The following UBA52 variants were observed in gnomAD, a reference collection of about 807,000 sequenced individuals.
The protein encoded by UBA52 is ubiquitin-ribosomal protein eL40 fusion protein.
Under a neutral mutation model 15.3 loss-of-function variants are expected in UBA52, and 1 was observed. The observed-to-expected ratio is 0.07, with a 90% CI of 0.02 to 0.31. UBA52 has a LOEUF of 0.31. Among genes scored for constraint, UBA52 ranks in the 10% least tolerant of loss-of-function variants. The pLI is 1.00. For synonymous variants in UBA52, 50 were observed against 58.3 expected (o/e 0.86, Z 0.65); for missense variants, 87 against 168.0 (o/e 0.52, Z 2.66).
At chr19:18,570,207 T>TG (rs1192116535), upstream of UBA52, among the ~76,000 whole-genome samples, 5 of 151,514 alleles carry the variant, frequency 3.3e-5, no homozygotes, top group South Asian at 2.1e-4. Context: ...ACTTTTTTTT[T>TG]TTGTTTTGTT....
chr19:18,565,052 G>T, the UBA52 span: 1 of 1,593,610 alleles, frequency 6.3e-7, no homozygotes. Context: ...CAGCCCAGCT[G>T]ACCTCTGCCT....
the UBA52 span, among the ~76,000 whole-genome samples, chr19:18,563,883 A>G: frequency 6.7e-6 from 1 of 148,884 alleles, no homozygotes; most frequent in Non-Finnish European, 1.5e-5. Flanking sequence ...CAACCTCCTA[A>G]AGTGCTGGTC....
chr19:18,574,103 G>A (rs1975651367), intron 3 of UBA52, among the ~76,000 whole-genome samples: 1 of 151,892 alleles, frequency 6.6e-6, no homozygotes, highest in African/African-American at 2.4e-5. Context: ...GACCAACATG[G>A]TGAAATCCCA....
upstream of UBA52, among the ~76,000 whole-genome samples, chr19:18,567,545 T>C (rs540059714): frequency 6.6e-6 from 1 of 152,344 alleles, no homozygotes; most frequent in East Asian, 1.9e-4. Context: ...ATCTGTCCCA[T>C]GTCCAGCTGT....
In UBA52 at chr19:18,576,975, A is replaced by ATCT. The variant is rs1555755069; in HGVS notation, c.*1826_*1827insCTT. On this transcript the variant is annotated 3_prime_UTR_variant, in exon 5 of 5. Transcript: ENST00000442744. The stretch of plus-strand genomic sequence containing the variant: ...AAGCCACAGCGCCTGGCCTTGCTAC[A>ATCT]TTTTTTTTTTTTTTTTTTTTTTTAC... 2.7e-5 allele frequency: 3 copies of ATCT among 113,042 alleles called. No homozygotes were observed. In the East Asian group the frequency reaches 7.8e-4, roughly 29 times the overall value. The allele number at this position is 113,042 out of a possible 1,614,324, so 7.0% of individuals were successfully genotyped here. A position where few individuals can be genotyped will look rare whatever the true frequency, so the allele number is the denominator to read the frequency against.
upstream of UBA52, among the ~76,000 whole-genome samples, chr19:18,568,057 C>T (rs1975340777): frequency 6.6e-6 from 1 of 152,090 alleles, no homozygotes; most frequent in African/African-American, 2.4e-5. Flanking sequence ...CACCTGAGGT[C>T]GGGAGTTCGA....
chr19:18,571,117 C>G (rs1002893846), upstream of UBA52, among the ~76,000 whole-genome samples: 2 of 151,132 alleles, frequency 1.3e-5, no homozygotes, highest in Non-Finnish European at 3.0e-5. Flanking sequence ...TTGAGACCAG[C>G]CTGACCAACA....
upstream of UBA52, among the ~76,000 whole-genome samples, chr19:18,566,954 G>A (rs1006448072): frequency 6.6e-6 from 1 of 152,200 alleles, no homozygotes; most frequent in African/African-American, 2.4e-5. Context: ...CGACTGTCAG[G>A]GCCGTGGCTG....
At chr19:18,568,771 CT>C, upstream of UBA52, 1 of 643,952 alleles carries the variant, frequency 1.6e-6, no homozygotes, top group Non-Finnish European at 2.7e-6. Flanking sequence ...ACAAGGCTCT[CT>C]CCCGAGGGGT....
chr19:18,571,056 A>G (rs2145274047), upstream of UBA52, among the ~76,000 whole-genome samples: 1 of 150,232 alleles, frequency 6.7e-6, no homozygotes, highest in South Asian at 2.2e-4. Flanking sequence ...CACGTCTGTA[A>G]TCCCAGCACT....
intron 1 of UBA52, chr19:18,572,947 G>A: frequency 8.9e-7 from 1 of 1,128,832 alleles, no homozygotes; most frequent in Non-Finnish European, 1.1e-6. Flanking sequence ...GATCTAGCAA[G>A]ATGATGCCAA....
At position 18,574,445 on chromosome 19, in the gene UBA52, C is replaced by G. The variant is rs183536134; in HGVS notation, c.191-425C>G. On this transcript the variant is annotated intron_variant, in intron 3 of 4. Transcript: ENST00000442744. ...CTGGGATTACAGGCACCCGCCACCA[C>G]GCCCAGCTAATTTTTTTTGTATTTT... Among the ~76,000 whole-genome samples, 19 of 151,898 alleles carry G rather than the reference C, an allele frequency of 1.3e-4. No individual in the cohort carries two copies. In the East Asian group the frequency reaches 3.6e-3, roughly 29 times the overall value.
the UBA52 span, chr19:18,565,120 G>T: frequency 6.5e-7 from 1 of 1,535,574 alleles, no homozygotes; most frequent in Middle Eastern, 1.8e-4. Flanking sequence ...GGAGATTTCT[G>T]TTTGTTTTAC....
At chr19:18,573,547 C>T (rs1975615905) in intron 2 of UBA52, 115 bp from the exon 3 acceptor site, 1 of 1,334,744 alleles carries the variant, frequency 7.5e-7, no homozygotes. Context: ...CGTTTGTTAT[C>T]TTCTACCTCA....
chr19:18,565,189 A>C, the UBA52 span: 1 of 1,403,914 alleles, frequency 7.1e-7, no homozygotes. Context: ...TAAAATCTTG[A>C]CGTAAGTTTA....
chr19:18,570,657 A>AC (rs926158899), upstream of UBA52, among the ~76,000 whole-genome samples: 5 of 148,980 alleles, frequency 3.4e-5, no homozygotes, highest in African/African-American at 1.2e-4. Flanking sequence ...GATTACAGGC[A>AC]CCCGCCACCA....
chr19:18,564,883 A>G, the UBA52 span: 1 of 1,613,610 alleles, frequency 6.2e-7, no homozygotes, highest in African/African-American at 1.3e-5. Flanking sequence ...GACCGCTTTG[A>G]GAAGACCAAT....
At chr19:18,564,983 G>T in the UBA52 span, 1 of 1,610,020 alleles carries the variant, frequency 6.2e-7, no homozygotes, top group East Asian at 2.2e-5. Flanking sequence ...CCCTAGTAGA[G>T]ATGAAACGGG....
At position 18,573,351 on chromosome 19, in the gene UBA52, C is replaced by G. The variant is rs1201351534; in HGVS notation, c.51C>G (p.Val17=). 1.2e-6 allele frequency: 2 copies of G among 1,614,146 alleles called. No individual in the cohort carries two copies. Among genetic ancestry groups the G allele is most frequent in the Non-Finnish European group, 8.5e-7 (1 of 1,180,024 alleles). Residue 17 remains valine (V), a synonymous_variant, in exon 2 of 5, where the codon GTC becomes GTG. Transcript: ENST00000442744. ...CTGGCAAAACCATCACCCTTGAGGT[C>G]GAGCCCAGTGACACCATTGAGAATG... ...TLTGKTITLE[V]EPSDTIENVK...
Sources: allele counts gnomAD v4.1 joint callset (sites outside exome capture counted in the v4.1 genomes callset), GRCh38; gene constraint gnomAD v4.1.1; transcripts MANE v1.5; gene names NCBI Gene and HGNC (gene_info 2026-07-23, HGNC 2026-07-21).